PPARGC1A: variants seen among roughly 807,000 people sequenced by gnomAD.
PPARGC1A encodes the protein PPARG coactivator 1 alpha, also known as peroxisome proliferator-activated receptor gamma coactivator 1-alpha.
In PPARGC1A, 25 loss-of-function variants were observed where a neutral mutation model predicts 88.7. That is an observed-to-expected ratio of 0.28 (90% confidence interval 0.21 to 0.39). The LOEUF is 0.39. Among genes scored for constraint, PPARGC1A ranks in the 10% least tolerant of loss-of-function variants. The pLI is 1.00. For missense variants in PPARGC1A, 880 were observed against 968.7 expected (o/e 0.91, Z 1.22); for synonymous variants, 363 against 355.6 (o/e 1.02, Z -0.24).
At chr4:24,079,841 T>C in the PPARGC1A span, among the ~76,000 whole-genome samples, 1 of 152,086 alleles carries the variant, frequency 6.6e-6, no homozygotes, top group East Asian at 1.9e-4. Flanking sequence ...TAATGTAATT[T>C]TGAACACATT....
the PPARGC1A span, among the ~76,000 whole-genome samples, chr4:23,994,371 T>C: frequency 6.6e-6 from 1 of 152,132 alleles, no homozygotes; most frequent in Non-Finnish European, 1.5e-5. Flanking sequence ...AAAGGGGCTG[T>C]TTTGTTTCCT....
chr4:23,876,998 A>G (rs1014083315), intron 2 of PPARGC1A, among the ~76,000 whole-genome samples: 8 of 152,200 alleles, frequency 5.3e-5, no homozygotes, highest in Non-Finnish European at 1.2e-4. Flanking sequence ...TCACTCCATC[A>G]TTTTGGAAAA....
chr4:24,048,307 G>A, the PPARGC1A span, among the ~76,000 whole-genome samples: 1 of 152,092 alleles, frequency 6.6e-6, no homozygotes, highest in African/African-American at 2.4e-5. Flanking sequence ...AGGCATTACA[G>A]GATGACTCTT....
At chr4:24,013,147 A>C in the PPARGC1A span, among the ~76,000 whole-genome samples, 1 of 152,186 alleles carries the variant, frequency 6.6e-6, no homozygotes, top group Non-Finnish European at 1.5e-5. Flanking sequence ...AGAGAATAAG[A>C]CGGACGTGGC....
chr4:24,374,321 C>A, the PPARGC1A span, among the ~76,000 whole-genome samples: 20 of 152,050 alleles, frequency 1.3e-4, no homozygotes, highest in African/African-American at 4.1e-4. Flanking sequence ...ATTTTGAAAC[C>A]TTTCCATGTG....
At chr4:24,304,473 C>T in the PPARGC1A span, among the ~76,000 whole-genome samples, 2 of 152,156 alleles carry the variant, frequency 1.3e-5, no homozygotes, top group African/African-American at 4.8e-5. Context: ...AGGTCTTAGT[C>T]TTATCACCAA....
the PPARGC1A span, among the ~76,000 whole-genome samples, chr4:24,300,794 C>T: frequency 6.6e-6 from 1 of 152,114 alleles, no homozygotes; most frequent in Non-Finnish European, 1.5e-5. Flanking sequence ...AAGCAGAGGT[C>T]ATTGACTAAC....
At chr4:24,248,344 C>G in the PPARGC1A span, among the ~76,000 whole-genome samples, 1 of 152,066 alleles carries the variant, frequency 6.6e-6, no homozygotes, top group Non-Finnish European at 1.5e-5. Flanking sequence ...CCAGGATGGT[C>G]TCGATCTCCT....
chr4:24,334,922 G>A, the PPARGC1A span, among the ~76,000 whole-genome samples: 1 of 152,102 alleles, frequency 6.6e-6, no homozygotes, highest in South Asian at 2.1e-4. Context: ...AGGCTTTTTG[G>A]TATGCTATGA....
Position 23,795,794 on chromosome 4 carries a change from C to A in PPARGC1A, c.*28G>T. On this transcript the variant is annotated 3_prime_UTR_variant, in exon 13 of 13. Transcript: ENST00000264867. ...GCTGTCCCATGAGGTATTCGCCATC[C>A]CTCTGTCATCCTCAGCTAGGGAACA... The A allele has an allele frequency of 3.2e-6, 5 of 1,553,864 alleles. No homozygotes were observed. The highest frequency in any genetic ancestry group is 4.4e-6 in the Non-Finnish European group (5 of 1,136,408).
chr4:23,813,903 C>T lies in PPARGC1A; in HGVS notation c.1580G>A (p.Gly527Asp), dbSNP rs1465893815. The change falls in exon 8 of 13, where the codon GGC becomes GAC. Residue 527 changes from glycine (G) to aspartate (D), a missense_variant. Coordinates refer to ENST00000264867, the MANE Select transcript of PPARGC1A (RefSeq NM_013261.5). Reference sequence around the variant, plus strand: ...ATTGAACAATGAATAGGATTGCGTGCCATCCCAAGGGTAGCTCAGTTTATC... The same window carrying T: ...ATTGAACAATGAATAGGATTGCGTGTCATCCCAAGGGTAGCTCAGTTTATC... Reference protein sequence around the residue: ...ESDKLSYPWDGTQSYSLFNVS... With the variant: ...ESDKLSYPWDDTQSYSLFNVS... 1 of 1,613,728 alleles carries T rather than the reference C, an allele frequency of 6.2e-7. No homozygotes were observed. The highest frequency in any genetic ancestry group is 1.7e-5 in the Admixed American group (1 of 59,990).
the PPARGC1A span, among the ~76,000 whole-genome samples, chr4:23,992,391 GC>G: frequency 6.6e-6 from 1 of 151,728 alleles, no homozygotes; most frequent in Non-Finnish European, 1.5e-5. Context: ...TGCATGCCAA[GC>G]ATTTTTCTGA....
At chr4:23,872,692 G>A (rs1024662205) in intron 2 of PPARGC1A, among the ~76,000 whole-genome samples, 1 of 152,106 alleles carries the variant, frequency 6.6e-6, no homozygotes, top group Non-Finnish European at 1.5e-5. Context: ...AATTTTCATG[G>A]AGCCAGAGAC....
intron 7 of PPARGC1A, among the ~76,000 whole-genome samples, chr4:23,821,595 GAAGT>G (rs755322032): frequency 4.6e-5 from 7 of 152,042 alleles, no homozygotes; most frequent in Non-Finnish European, 8.8e-5. Context: ...GGAAAGATAA[GAAGT>G]AAGGTACAAC....
At chr4:24,108,951 T>C in the PPARGC1A span, among the ~76,000 whole-genome samples, 7 of 151,550 alleles carry the variant, frequency 4.6e-5, no homozygotes, top group African/African-American at 1.7e-4. Context: ...TTTTGGACCT[T>C]GGAAATATTG....
the PPARGC1A span, among the ~76,000 whole-genome samples, chr4:24,030,059 C>T: frequency 6.6e-6 from 1 of 152,166 alleles, no homozygotes; most frequent in Non-Finnish European, 1.5e-5. Context: ...TAGAGAGACT[C>T]TACTGTAAAC....
chr4:24,470,764 C>T, the PPARGC1A span, among the ~76,000 whole-genome samples: 1 of 151,494 alleles, frequency 6.6e-6, no homozygotes, highest in African/African-American at 2.4e-5. The surrounding 1 kb of genome is among the most constrained non-coding windows in gnomAD (Gnocchi z 5.8). Context: ...CGCCGCCTCC[C>T]GCTGCTGCTG....
At chr4:24,431,728 A>T in the PPARGC1A span, among the ~76,000 whole-genome samples, 154 of 152,292 alleles carry the variant, frequency 1.0e-3, 5 homozygotes, top group South Asian at 0.031. Context: ...TGTTTCCTCC[A>T]CTAGAATAAA....
intron 2 of PPARGC1A, 61 bp from the exon 3 acceptor site, chr4:23,831,812 C>A: frequency 7.3e-7 from 1 of 1,377,566 alleles, no homozygotes. Context: ...TAACACTATG[C>A]ATCAACATGT....
Sources: allele counts gnomAD v4.1 joint callset (sites outside exome capture counted in the v4.1 genomes callset), GRCh38; gene constraint gnomAD v4.1.1; non-coding constraint Gnocchi (gnomAD v3.1); transcripts MANE v1.5; gene names NCBI Gene and HGNC (gene_info 2026-07-23, HGNC 2026-07-21).